The following SP140L variants were observed in gnomAD, a reference collection of about 807,000 sequenced individuals.
The protein encoded by SP140L is SP140 like nuclear body protein, also known as nuclear body protein SP140-like protein.
A neutral mutation model predicts 84.3 loss-of-function variants in SP140L; 64 were observed. The observed-to-expected ratio is 0.76, with a 90% confidence interval of 0.62 to 0.94. SP140L has a LOEUF of 0.94. Ranked by LOEUF, SP140L falls within the 40% of genes least tolerant of loss-of-function variation. The pLI, the probability that SP140L is intolerant of heterozygous loss-of-function variation, is 0.00. For synonymous variants in SP140L, 242 were observed against 236.9 expected, an observed-to-expected ratio of 1.02 and a Z score of -0.20; for missense variants, 628 against 692.5, an observed-to-expected ratio of 0.91 and a Z score of 1.05.
At chr2:230,375,981 C>T (rs565667512) in intron 7 of SP140L, among the ~76,000 whole-genome samples, 85 of 152,206 alleles carry the variant, frequency 5.6e-4, no homozygotes, top group African/African-American at 2.0e-3. Flanking sequence ...AAGATAATTG[C>T]CCAGACCAAA....
In SP140L at chr2:230,373,766, G is replaced by T. The variant is rs1278025449; in HGVS notation, c.637+2115G>T. On this transcript the variant is annotated intron_variant, in intron 7 of 18. Transcript: ENST00000415673. ...AAGTCTTAATATTTAAGAAATACAT[G>T]TTGTAATGCTATAGCTGTCTTTATA... Among the ~76,000 whole-genome samples the T allele has an allele frequency of 2.0e-5, 3 of 152,202 alleles. No homozygotes were observed. In the East Asian group the frequency reaches 5.8e-4, roughly 29 times the overall value.
chr2:230,335,031 T>A (rs1362726573), intron 2 of SP140L, among the ~76,000 whole-genome samples: 1 of 152,124 alleles, frequency 6.6e-6, no homozygotes, highest in Non-Finnish European at 1.5e-5. Context: ...TGAAGACATA[T>A]CATTTTTTAA....
intron 7 of SP140L, among the ~76,000 whole-genome samples, chr2:230,383,253 G>T (rs907535116): frequency 1.3e-5 from 2 of 152,134 alleles, no homozygotes; most frequent in Non-Finnish European, 2.9e-5. Flanking sequence ...GCCAGCAAGA[G>T]TTAATTTTCC....
At chr2:230,354,295 A>C (rs1184476371) in intron 2 of SP140L, among the ~76,000 whole-genome samples, 1 of 152,224 alleles carries the variant, frequency 6.6e-6, no homozygotes, top group Admixed American at 6.5e-5. Context: ...AATCATATGA[A>C]TATCTCATTA....
In SP140L at chr2:230,396,757, A is replaced by G. The variant is rs1349398348; in HGVS notation, c.1156A>G (p.Arg386Gly). Reference protein sequence around the residue: ...PPRIYYRNKKRILKSQNNSSV... With the variant: ...PPRIYYRNKKGILKSQNNSSV... ...ATCAATCTTTCTGTTTTTTCAACAG[A>G]GAATACTGAAGTCTCAAAACAATAG... Residue 386 changes from arginine (R) to glycine (G), a missense_variant and splice_region_variant, in exon 14 of 19, where the codon AGA (arginine) becomes GGA (glycine). By Grantham distance (125) the Arg-to-Gly change is moderately radical (BLOSUM62 -2). Coordinates refer to ENST00000415673, the MANE Select transcript of SP140L (RefSeq NM_138402.6). 2 of 1,613,792 alleles carry G rather than the reference A, an allele frequency of 1.2e-6. No homozygotes were observed. Among genetic ancestry groups the G allele is most frequent in the African/African-American group, 2.7e-5 (2 of 75,034 alleles).
intron 4 of SP140L, 63 bp downstream of exon 4, chr2:230,359,195 T>C: frequency 7.0e-7 from 1 of 1,427,438 alleles, no homozygotes. Context: ...AAGCATATGT[T>C]TGAGCTCCTA....
chr2:230,360,631 C>G (rs2060684948), intron 4 of SP140L, among the ~76,000 whole-genome samples: 1 of 152,136 alleles, frequency 6.6e-6, no homozygotes, highest in African/African-American at 2.4e-5. Context: ...GGGCTCTGTT[C>G]CTCTGCATGG....
intron 9 of SP140L, among the ~76,000 whole-genome samples, chr2:230,386,853 T>C (rs2061602444): frequency 6.6e-6 from 1 of 152,208 alleles, no homozygotes; most frequent in South Asian, 2.1e-4. Context: ...TTAGCTGGAC[T>C]GTTCAAGGTT....
At chr2:230,386,001 A>G (rs2149798508) in intron 9 of SP140L, among the ~76,000 whole-genome samples, 1 of 152,268 alleles carries the variant, frequency 6.6e-6, no homozygotes, top group East Asian at 1.9e-4. Flanking sequence ...TGACATTGCA[A>G]GTGGTTGATG....
intron 14 of SP140L, among the ~76,000 whole-genome samples, chr2:230,399,146 C>T (rs184222516): frequency 2.6e-5 from 4 of 152,222 alleles, no homozygotes; most frequent in Non-Finnish European, 5.9e-5. Flanking sequence ...GTCATGAATA[C>T]ACTTGCATTT....
chr2:230,336,873 G>T (rs1003642058), intron 2 of SP140L, among the ~76,000 whole-genome samples: 6 of 152,082 alleles, frequency 3.9e-5, no homozygotes, highest in African/African-American at 1.4e-4. Flanking sequence ...TGTGCTGTTT[G>T]TATTACTCTT....
At chr2:230,400,540 G>A (rs772330611) in intron 15 of SP140L, 6 of 475,702 alleles carry the variant, frequency 1.3e-5, no homozygotes, top group Non-Finnish European at 2.3e-5. Context: ...TGTCCCAGGG[G>A]GTTGAGGAAA....
chr2:230,331,315 A>T (rs186434021), intron 2 of SP140L, among the ~76,000 whole-genome samples: 46 of 152,292 alleles, frequency 3.0e-4, no homozygotes, highest in African/African-American at 9.9e-4. Flanking sequence ...GATGGGGGAA[A>T]ACATAGTATA....
At chr2:230,375,065 ATATAT>A (rs1230473810) in intron 7 of SP140L, among the ~76,000 whole-genome samples, 1 of 151,654 alleles carries the variant, frequency 6.6e-6, no homozygotes, top group Non-Finnish European at 1.5e-5. Flanking sequence ...CAATTTACAA[ATATAT>A]TATCCTCCTC....
At chr2:230,386,703 T>C (rs1167257405) in intron 9 of SP140L, among the ~76,000 whole-genome samples, 2 of 152,202 alleles carry the variant, frequency 1.3e-5, no homozygotes, top group Admixed American at 6.5e-5. Flanking sequence ...TAGAGTAGAC[T>C]TCATGTTGTT....
chr2:230,334,490 T>C (rs1419699852), intron 2 of SP140L, among the ~76,000 whole-genome samples: 1 of 152,224 alleles, frequency 6.6e-6, no homozygotes, highest in Non-Finnish European at 1.5e-5. Context: ...ATGAAATACA[T>C]AGATCGATTA....
rs1216513601 is a variant in SP140L, at chr2:230,403,209, CG to C, written c.*314del. The stretch of plus-strand genomic sequence containing the variant: ...TATTACTCACAAGACCTTTTTCCTC[CG>C]TTTTTTTTTTGAGATGGAGTCTCAC... On this transcript the variant is annotated 3_prime_UTR_variant, in exon 19 of 19. Coordinates refer to ENST00000415673, the MANE Select transcript of SP140L (RefSeq NM_138402.6). The C allele has an allele frequency of 1.1e-3, 256 of 223,766 alleles. No homozygotes were observed. The highest frequency in any genetic ancestry group is 2.9e-3 in the Middle Eastern group (2 of 688). The allele number at this position is 223,766 out of a possible 1,614,324, so 13.9% of individuals were successfully genotyped here. A position where few individuals can be genotyped will look rare whatever the true frequency, so the allele number is the denominator to read the frequency against.
intron 2 of SP140L, among the ~76,000 whole-genome samples, chr2:230,346,554 G>A (rs1398587017): frequency 1.3e-5 from 2 of 151,088 alleles, no homozygotes; most frequent in African/African-American, 4.9e-5. Context: ...AAACACAATA[G>A]GCTTTTTTTC....
intron 2 of SP140L, among the ~76,000 whole-genome samples, chr2:230,342,967 A>G (rs1015744501): frequency 1.3e-5 from 2 of 152,144 alleles, no homozygotes; most frequent in African/African-American, 4.8e-5. Context: ...GTGTAAAGCT[A>G]CGTTGTTGGA....
Sources: allele counts gnomAD v4.1 joint callset (sites outside exome capture counted in the v4.1 genomes callset), GRCh38; gene constraint gnomAD v4.1.1; transcripts MANE v1.5; gene names NCBI Gene and HGNC (gene_info 2026-07-23, HGNC 2026-07-21).